EPB41L3: variants seen among roughly 807,000 people sequenced by gnomAD.
EPB41L3 encodes erythrocyte membrane protein band 4.1 like 3, also known as band 4.1-like protein 3.
In EPB41L3, 57 loss-of-function variants were observed where a neutral mutation model predicts 127.1. The ratio of observed to expected loss-of-function variants is 0.45; its 90% confidence interval spans 0.36 to 0.56. EPB41L3 has a LOEUF of 0.56. Among genes scored for constraint, EPB41L3 ranks in the 20% least tolerant of loss-of-function variants. EPB41L3 has a pLI of 0.00. For missense variants in EPB41L3, 1,273 were observed against 1,372.2 expected (o/e 0.93, Z 1.14); for synonymous variants, 572 against 549.5 (o/e 1.04, Z -0.57).
Position 5,568,496 on chromosome 18 carries a change from G to GAAACACTA in EPB41L3, c.-306+43836_-306+43843dup, listed in dbSNP as rs2094237073. Among the ~76,000 whole-genome samples the GAAACACTA allele has an allele frequency of 2.0e-5, 3 of 149,204 alleles. No homozygotes were observed. In the South Asian group the frequency reaches 6.4e-4, roughly 32 times the overall value. ...TGTTGACACATCAAAGAATCCTTTT[G>GAAACACTA]AAACACTAAATGTGAAATAAGGATC... On this transcript the variant is annotated intron_variant, in intron 3 of 21. Coordinates refer to the EPB41L3 transcript ENST00000545076.
intron 4 of EPB41L3, among the ~76,000 whole-genome samples, chr18:5,444,344 G>C (rs552583997): frequency 6.6e-6 from 1 of 152,150 alleles, no homozygotes; most frequent in African/African-American, 2.4e-5. Flanking sequence ...TGTGATTTCC[G>C]ATTTTCCTCA....
At chr18:5,445,530 T>C (rs920787830) in intron 3 of EPB41L3, among the ~76,000 whole-genome samples, 6 of 152,162 alleles carry the variant, frequency 3.9e-5, no homozygotes, top group Non-Finnish European at 7.4e-5. Flanking sequence ...GATTTCTAAA[T>C]GGAAGCAACT....
intron 5 of EPB41L3, among the ~76,000 whole-genome samples, chr18:5,441,138 T>A (rs1460434702): frequency 2.6e-5 from 4 of 152,228 alleles, no homozygotes; most frequent in Admixed American, 2.6e-4. Context: ...GTGGTCCTCC[T>A]GTCTTGGCCT....
rs188945135 is a variant in EPB41L3 at position 5,538,189 on chromosome 18, T to G, written c.-12+5724A>C. ...TTGGCCAAGGTGTTCCCAAAAATTC[T>G]TACATATTCAGAATCCAACTCTACC... On this transcript the variant is annotated intron_variant, in intron 1 of 22. Coordinates refer to ENST00000341928, the MANE Select transcript of EPB41L3 (RefSeq NM_012307.5). Among the ~76,000 whole-genome samples the G allele has an allele frequency of 3.3e-5, 5 of 152,348 alleles. No individual in the cohort carries two copies. In the East Asian group the frequency reaches 9.6e-4, roughly 29 times the overall value.
chr18:5,459,613 T>C (rs1381723566), intron 3 of EPB41L3, among the ~76,000 whole-genome samples: 1 of 152,190 alleles, frequency 6.6e-6, no homozygotes, highest in Non-Finnish European at 1.5e-5. Context: ...TAAAGGAAGT[T>C]CTTAATCTGT....
chr18:5,401,913 C>A (rs868754395), intron 16 of EPB41L3, among the ~76,000 whole-genome samples: 1 of 151,944 alleles, frequency 6.6e-6, no homozygotes, highest in Non-Finnish European at 1.5e-5. Context: ...TGAAAAATAA[C>A]GATGGAAAGT....
At chr18:5,537,205 C>T (rs927309591) in intron 1 of EPB41L3, among the ~76,000 whole-genome samples, 4 of 152,078 alleles carry the variant, frequency 2.6e-5, no homozygotes, top group Admixed American at 1.3e-4. Flanking sequence ...ATGACATTGC[C>T]TTTTTTGGTT....
chr18:5,452,531 A>T (rs1426367809), intron 3 of EPB41L3, among the ~76,000 whole-genome samples: 4 of 152,062 alleles, frequency 2.6e-5, no homozygotes, highest in Admixed American at 2.6e-4. Flanking sequence ...ATTTCCGGCA[A>T]ATCTTATAAA....
At chr18:5,410,659 A>AG in intron 13 of EPB41L3, 40 bp from the exon 14 acceptor site, 1 of 1,570,526 alleles carries the variant, frequency 6.4e-7, no homozygotes, top group Non-Finnish European at 8.8e-7. Context: ...GGAGGAAGGC[A>AG]GGGACAGAAA....
upstream of EPB41L3, among the ~76,000 whole-genome samples, chr18:5,547,286 C>T (rs1023637369): frequency 6.6e-6 from 1 of 152,152 alleles, no homozygotes; most frequent in African/African-American, 2.4e-5. Flanking sequence ...CAATGTAACC[C>T]CCCTTGTGGT....
At chr18:5,516,850 T>C (rs1280664144) in intron 1 of EPB41L3, among the ~76,000 whole-genome samples, 2 of 152,238 alleles carry the variant, frequency 1.3e-5, no homozygotes, top group Admixed American at 6.5e-5. Flanking sequence ...GCCAGTTAAT[T>C]ATATTCCAAA....
intron 5 of EPB41L3, 102 bp from the exon 6 acceptor site, chr18:5,438,212 CT>C (rs911751508): frequency 2.0e-6 from 2 of 1,001,428 alleles, no homozygotes; most frequent in African/African-American, 3.2e-5. Context: ...ACCCAGGCAA[CT>C]TTTGACCATT....
intron 1 of EPB41L3, among the ~76,000 whole-genome samples, chr18:5,530,974 G>A (rs569537837): frequency 2.0e-5 from 3 of 152,322 alleles, no homozygotes; most frequent in Non-Finnish European, 2.9e-5. Flanking sequence ...GCAGACGGAC[G>A]GAGGCACAGG....
At chr18:5,500,518 C>T (rs144066902) in intron 1 of EPB41L3, among the ~76,000 whole-genome samples, 123 of 152,270 alleles carry the variant, frequency 8.1e-4, no homozygotes, top group African/African-American at 2.9e-3. Flanking sequence ...CAAAAAACTC[C>T]AACTTTATGC....
chr18:5,623,526 C>T (rs1568663975), intron 1 of EPB41L3, among the ~76,000 whole-genome samples: 1 of 151,918 alleles, frequency 6.6e-6, no homozygotes, highest in Admixed American at 6.5e-5. Flanking sequence ...ATTGTATATT[C>T]AATAGTCTGG....
At chr18:5,514,952 A>G (rs2092693623) in intron 1 of EPB41L3, among the ~76,000 whole-genome samples, 1 of 152,208 alleles carries the variant, frequency 6.6e-6, no homozygotes. Context: ...CACAATTCTG[A>G]CCTATAAAAT....
At chr18:5,608,386 G>A (rs1194044742) in intron 3 of EPB41L3, among the ~76,000 whole-genome samples, 1 of 152,266 alleles carries the variant, frequency 6.6e-6, no homozygotes, top group East Asian at 1.9e-4. Context: ...CCCCAAATGA[G>A]AAGACCCCTC....
At chr18:5,462,896 G>T (rs182100039) in intron 3 of EPB41L3, among the ~76,000 whole-genome samples, 2 of 152,206 alleles carry the variant, frequency 1.3e-5, no homozygotes, top group East Asian at 3.9e-4. Flanking sequence ...TAAATTCAAC[G>T]CATCTAAGTT....
At chr18:5,525,423 C>T (rs1257066278) in intron 1 of EPB41L3, among the ~76,000 whole-genome samples, 1 of 152,170 alleles carries the variant, frequency 6.6e-6, no homozygotes, top group African/African-American at 2.4e-5. Flanking sequence ...TCTATATGCA[C>T]TAATATGCAC....
Sources: gnomAD v4.1 joint callset for allele counts (sites outside exome capture counted in the v4.1 genomes callset) on GRCh38, gnomAD v4.1.1 for gene constraint, MANE v1.5 for transcripts, NCBI Gene and HGNC (gene_info 2026-07-23, HGNC 2026-07-21) for gene names.